Variants in ADGRV1 observed in about 807,000 individuals in gnomAD.
The protein encoded by ADGRV1 is G-protein coupled receptor 98.
Under a neutral mutation model 596.2 loss-of-function variants are expected in ADGRV1, and 359 were observed. The ratio of observed to expected loss-of-function variants is 0.60; its 90% CI spans 0.55 to 0.66. The LOEUF (loss-of-function observed/expected upper bound fraction) is 0.66. ADGRV1 is among the 30% of genes least tolerant of loss of function. The pLI is 0.00. For synonymous variants in ADGRV1, 2,681 were observed against 2,679.2 expected (o/e 1.00, Z -0.02); for missense variants, 7,274 against 7,575.6 (o/e 0.96, Z 1.48).
At chr5:90,745,887 G>C in intron 52 of ADGRV1, 92 bp downstream of exon 52, 1 of 730,962 alleles carries the variant, frequency 1.4e-6, no homozygotes, top group East Asian at 2.6e-5. Flanking sequence ...GCAAGTCATA[G>C]TTTGAGTGTC....
At chr5:90,622,545 C>T (rs1014386176) in intron 4 of ADGRV1, 52 bp from the exon 5 acceptor site, 3 of 778,748 alleles carry the variant, frequency 3.9e-6, no homozygotes, top group Non-Finnish European at 3.7e-6. Context: ...TTTACCGCCT[C>T]ATACCTCTGA....
At chr5:90,593,386 G>T (rs1369125495) in intron 1 of ADGRV1, among the ~76,000 whole-genome samples, 1 of 151,974 alleles carries the variant, frequency 6.6e-6, no homozygotes, top group Non-Finnish European at 1.5e-5. Flanking sequence ...TCACTCATAG[G>T]TGGGAATCGA....
chr5:90,917,666 T>G (rs545403412), intron 83 of ADGRV1, among the ~76,000 whole-genome samples: 25 of 152,210 alleles, frequency 1.6e-4, no homozygotes, highest in African/African-American at 5.8e-4. Flanking sequence ...ACTTCTTTCC[T>G]TAAAAGAATA....
intron 85 of ADGRV1, among the ~76,000 whole-genome samples, chr5:91,063,082 C>T (rs982522283): frequency 5.3e-5 from 8 of 151,292 alleles, no homozygotes; most frequent in African/African-American, 1.5e-4. Context: ...CTTCACCCTC[C>T]GAGAAACTGG....
chr5:90,997,989 C>T (rs1781555866), intron 85 of ADGRV1, among the ~76,000 whole-genome samples: 2 of 152,196 alleles, frequency 1.3e-5, no homozygotes, highest in South Asian at 4.1e-4. Flanking sequence ...TACATGTAAA[C>T]AATCAGACAA....
At chr5:90,627,003 G>A (rs968070903) in intron 6 of ADGRV1, among the ~76,000 whole-genome samples, 3 of 152,026 alleles carry the variant, frequency 2.0e-5, no homozygotes, top group Non-Finnish European at 2.9e-5. Flanking sequence ...GCTTCCTTAC[G>A]TTTTCTTTTC....
chr5:90,581,843 A>G (rs548441370), intron 1 of ADGRV1, among the ~76,000 whole-genome samples: 1 of 152,296 alleles, frequency 6.6e-6, no homozygotes, highest in Admixed American at 6.5e-5. Flanking sequence ...TCTTCTTAAC[A>G]CTGCTTTGGC....
chr5:90,567,032 C>T (rs1188331040), intron 1 of ADGRV1, among the ~76,000 whole-genome samples: 1 of 151,730 alleles, frequency 6.6e-6, no homozygotes, highest in Non-Finnish European at 1.5e-5. Context: ...TTTTCAAGTG[C>T]TTTTTTTGTG....
At chr5:91,043,734 C>A (rs984034295) in intron 85 of ADGRV1, among the ~76,000 whole-genome samples, 2 of 151,874 alleles carry the variant, frequency 1.3e-5, no homozygotes, top group African/African-American at 4.8e-5. Flanking sequence ...ATTTGTATAG[C>A]TGCTCTTATC....
rs756518517 is a variant in ADGRV1 at position 90,689,939 on chromosome 5, T to C, written c.6569T>C (p.Ile2190Thr). ...AGTAAAGCCGTGCCAATATATGTCA[T>C]TAATGATATCTATCCTGAACTGGAA... Reference protein sequence around the residue: ...ETSKAVPIYVINDIYPELEES... With the variant: ...ETSKAVPIYVTNDIYPELEES... Residue 2190 changes from isoleucine (I) to threonine (T), a missense_variant, in exon 30 of 90, where the codon ATT (isoleucine) becomes ACT (threonine). Ile to Thr is a moderately conservative substitution (Grantham distance 89, BLOSUM62 -1). This residue lies in a region of ADGRV1 where 3,643 missense variants were observed against 3,809.2 expected (regional missense o/e 0.96). Transcript: ENST00000405460. 1.2e-6 allele frequency: 2 copies of C among 1,613,112 alleles called. No individual in the cohort carries two copies. The highest frequency in any genetic ancestry group is 2.2e-5 in the South Asian group (2 of 90,854).
At chr5:90,785,073 T>C (rs944882415) in intron 67 of ADGRV1, among the ~76,000 whole-genome samples, 33 of 152,020 alleles carry the variant, frequency 2.2e-4, no homozygotes, top group Non-Finnish European at 4.7e-4. Flanking sequence ...AAAACAGATA[T>C]ATAGACCAAT....
chr5:91,054,100 TGTGAGAGAGA>T (rs1381885177), intron 85 of ADGRV1, among the ~76,000 whole-genome samples: 86 of 108,274 alleles, frequency 7.9e-4, no homozygotes, highest in South Asian at 4.2e-3. Context: ...TGTGTGTGTG[TGTGAGAGAGA>T]GAGAGAGAGA....
At chr5:90,867,662 T>C (rs1368502624) in intron 83 of ADGRV1, among the ~76,000 whole-genome samples, 1 of 152,232 alleles carries the variant, frequency 6.6e-6, no homozygotes, top group Non-Finnish European at 1.5e-5. Flanking sequence ...CTATGAATCC[T>C]GGTTTCTGTT....
intron 68 of ADGRV1, 82 bp from the exon 69 acceptor site, chr5:90,789,620 C>T: frequency 1.3e-6 from 1 of 783,558 alleles, no homozygotes; most frequent in South Asian, 2.7e-5. Context: ...TCCTCAGCTT[C>T]TCTGTTTGTT....
chr5:90,868,690 C>T (rs1581375438), intron 83 of ADGRV1, among the ~76,000 whole-genome samples: 1 of 127,184 alleles, frequency 7.9e-6, no homozygotes, highest in East Asian at 2.2e-4. Context: ...TTAAATGTGT[C>T]TTTATGTAGA....
chr5:91,095,744 T>C (rs1790796203), intron 86 of ADGRV1, among the ~76,000 whole-genome samples: 2 of 152,204 alleles, frequency 1.3e-5, no homozygotes, highest in African/African-American at 2.4e-5. Context: ...TTAAAAATAA[T>C]GTGTGCCTAC....
chr5:90,721,515 AAAAT>A (rs1750949950), intron 45 of ADGRV1, among the ~76,000 whole-genome samples: 1 of 44,098 alleles, frequency 2.3e-5, no homozygotes, highest in African/African-American at 1.3e-4. Context: ...AAAATAAAAT[AAAAT>A]AAAATAAAAA....
At chr5:90,803,168 A>G (rs2150191262) in intron 71 of ADGRV1, among the ~76,000 whole-genome samples, 1 of 152,180 alleles carries the variant, frequency 6.6e-6, no homozygotes, top group Non-Finnish European at 1.5e-5. Flanking sequence ...TGAAGCACTA[A>G]TATTCCACAC....
At position 90,852,195 on chromosome 5, in the gene ADGRV1, T is replaced by C. The variant is rs954444405; in HGVS notation, c.17205-1089T>C. 2.0e-5 allele frequency among the ~76,000 whole-genome samples: 3 copies of C among 152,096 alleles called. No individual in the cohort carries two copies. The South Asian group carries it at 6.2e-4, about 32-fold the overall frequency. The stretch of plus-strand genomic sequence containing the variant: ...TTTGAAGGCACCAATTCAAATAGGG[T>C]AGCTGAGGTTACAGAGGAGATTTTT... On this transcript the variant is annotated intron_variant, in intron 79 of 89. Coordinates refer to ENST00000405460, the MANE Select transcript of ADGRV1 (RefSeq NM_032119.4).
Sources: allele counts gnomAD v4.1 joint callset (sites outside exome capture counted in the v4.1 genomes callset), GRCh38; gene constraint gnomAD v4.1.1; regional missense constraint gnomAD v4.1.1; transcripts MANE v1.5; gene names NCBI Gene and HGNC (gene_info 2026-07-23, HGNC 2026-07-21).